The following SEMA3D variants were observed in gnomAD, a reference collection of about 807,000 sequenced individuals.
SEMA3D encodes the protein semaphorin 3D.
SEMA3D carries 84 observed loss-of-function variants against 100.1 expected under a neutral mutation model. The observed-to-expected ratio is 0.84, with a 90% CI of 0.70 to 1.01. The LOEUF (loss-of-function observed/expected upper bound fraction) is 1.01, where lower values mean the gene tolerates loss of function less well. Among genes scored for constraint, SEMA3D ranks in the 50% least tolerant of loss-of-function variants. The pLI, the probability that SEMA3D is intolerant of heterozygous loss-of-function variation, is 0.00. For missense variants in SEMA3D, 875 were observed against 934.1 expected, an observed-to-expected ratio of 0.94 and a Z score of 0.82; for synonymous variants, 312 against 320.7, an observed-to-expected ratio of 0.97 and a Z score of 0.29.
chr7:85,075,328 G>T (rs1791892706), intron 5 of SEMA3D, among the ~76,000 whole-genome samples: 1 of 151,488 alleles, frequency 6.6e-6, no homozygotes, highest in African/African-American at 2.4e-5. Context: ...GAGTCAAACA[G>T]ATTAGAAGCT....
intron 12 of SEMA3D, chr7:85,027,937 C>G: frequency 1.7e-6 from 1 of 589,278 alleles, no homozygotes; most frequent in South Asian, 1.4e-5. Flanking sequence ...GGAAACCGAA[C>G]CATGCCAAAC....
the SEMA3D span, among the ~76,000 whole-genome samples, chr7:85,196,233 C>T: frequency 4.6e-3 from 704 of 152,040 alleles, 2 homozygotes; most frequent in African/African-American, 0.016. Flanking sequence ...ATTGGAGACC[C>T]GTAATACAAA....
intron 9 of SEMA3D, among the ~76,000 whole-genome samples, chr7:85,051,613 A>G (rs1180890463): frequency 1.3e-5 from 2 of 151,940 alleles, no homozygotes; most frequent in African/African-American, 2.4e-5. Context: ...AAGATCTGCC[A>G]GTGTACTGCT....
In SEMA3D at chr7:85,141,147, C is replaced by T. The variant is rs974535845; in HGVS notation, c.-41+12461G>A. ...ATAGGTGATTTGTCCAATTTGACGT[C>T]TAATTCTAAGCACATTATAACTAGT... On this transcript the variant is annotated intron_variant, in intron 2 of 18. Transcript: ENST00000284136. 4 of 984,702 alleles carry T rather than the reference C, an allele frequency of 4.1e-6. No individual in the cohort carries two copies. In the South Asian group the frequency reaches 1.4e-4, roughly 35 times the overall value. The allele number at this position is 984,702 out of a possible 1,614,324, so 61.0% of individuals were successfully genotyped here. A position where few individuals can be genotyped will look rare whatever the true frequency, so the allele number is the denominator to read the frequency against.
intron 17 of SEMA3D, among the ~76,000 whole-genome samples, chr7:85,011,766 C>T (rs1313991755): frequency 6.6e-6 from 1 of 151,676 alleles, no homozygotes; most frequent in Admixed American, 6.6e-5. Context: ...CTAATCTGGA[C>T]CAAGGCTTAT....
intron 8 of SEMA3D, among the ~76,000 whole-genome samples, chr7:85,057,267 A>C (rs2116090964): frequency 6.6e-6 from 1 of 152,254 alleles, no homozygotes; most frequent in Middle Eastern, 3.4e-3. Context: ...AATAATTGTG[A>C]ATTAACCAGG....
chr7:85,126,151 C>A (rs1368266189), intron 2 of SEMA3D, among the ~76,000 whole-genome samples: 1 of 151,946 alleles, frequency 6.6e-6, no homozygotes. Context: ...CCAGAACTTA[C>A]TAGATGGATG....
intron 15 of SEMA3D, among the ~76,000 whole-genome samples, chr7:85,016,569 G>A (rs1790109144): frequency 6.6e-6 from 1 of 151,280 alleles, no homozygotes; most frequent in Non-Finnish European, 1.5e-5. Flanking sequence ...CACTAACTTT[G>A]TTTCAGTCCT....
chr7:85,124,170 T>G (rs1351028551), intron 2 of SEMA3D, among the ~76,000 whole-genome samples: 1 of 152,096 alleles, frequency 6.6e-6, no homozygotes, highest in African/African-American at 2.4e-5. Flanking sequence ...CAGATTAGAT[T>G]TGAATATATG....
the SEMA3D span, among the ~76,000 whole-genome samples, chr7:85,234,046 C>A: frequency 6.6e-6 from 1 of 152,076 alleles, no homozygotes; most frequent in East Asian, 1.9e-4. Flanking sequence ...AGAATGTATT[C>A]TTGACTTTTA....
At chr7:85,093,350 T>C (rs1194269686) in intron 4 of SEMA3D, among the ~76,000 whole-genome samples, 1 of 151,972 alleles carries the variant, frequency 6.6e-6, no homozygotes, top group African/African-American at 2.4e-5. Flanking sequence ...TTTTGCAAAG[T>C]TTTTTTGCTC....
intron 4 of SEMA3D, among the ~76,000 whole-genome samples, chr7:85,089,187 A>G (rs1282735136): frequency 6.6e-6 from 1 of 152,120 alleles, no homozygotes; most frequent in Non-Finnish European, 1.5e-5. Flanking sequence ...TACTCATTTG[A>G]AAGAAACTTG....
At chr7:85,021,603 C>T (rs1309778470) in intron 13 of SEMA3D, among the ~76,000 whole-genome samples, 1 of 151,620 alleles carries the variant, frequency 6.6e-6, no homozygotes, top group Non-Finnish European at 1.5e-5. Flanking sequence ...TTGTTTTGAA[C>T]TCTTAAATAT....
chr7:85,065,632 T>C (rs932635306), intron 7 of SEMA3D, 80 bp from the exon 8 acceptor site: 2 of 1,050,126 alleles, frequency 1.9e-6, no homozygotes, highest in African/African-American at 3.2e-5. Context: ...TTTCACAGCA[T>C]GACACCAAAG....
At chr7:85,143,502 A>G (rs1790113636) in intron 2 of SEMA3D, among the ~76,000 whole-genome samples, 1 of 152,184 alleles carries the variant, frequency 6.6e-6, no homozygotes, top group South Asian at 2.1e-4. Flanking sequence ...ACTATAACCA[A>G]TTGTTACACA....
At chr7:85,231,419 G>A in the SEMA3D span, among the ~76,000 whole-genome samples, 1 of 142,200 alleles carries the variant, frequency 7.0e-6, no homozygotes, top group African/African-American at 2.6e-5. Flanking sequence ...AACCCTTCTC[G>A]TAAAACCAAT....
chr7:85,053,777 G>A (rs1171069642), intron 9 of SEMA3D, among the ~76,000 whole-genome samples: 1 of 152,026 alleles, frequency 6.6e-6, no homozygotes, highest in Non-Finnish European at 1.5e-5. Context: ...ATGTGATTGA[G>A]TGGAGATACA....
At chr7:85,136,946 T>C (rs1789883184) in intron 2 of SEMA3D, among the ~76,000 whole-genome samples, 1 of 151,948 alleles carries the variant, frequency 6.6e-6, no homozygotes, top group African/African-American at 2.4e-5. Flanking sequence ...AGGGTCAGGG[T>C]TTTTTAATGT....
chr7:85,065,705 C>T (rs571975533), intron 7 of SEMA3D, among the ~76,000 whole-genome samples, 153 bp from the exon 8 acceptor site: 38 of 152,292 alleles, frequency 2.5e-4, no homozygotes, highest in African/African-American at 8.9e-4. Context: ...GAAAATTTAT[C>T]TCAGTTGAAG....
Sources: gnomAD v4.1 joint callset for allele counts (sites outside exome capture counted in the v4.1 genomes callset) on GRCh38, gnomAD v4.1.1 for gene constraint, MANE v1.5 for transcripts, NCBI Gene and HGNC (gene_info 2026-07-23, HGNC 2026-07-21) for gene names.